PHF19: variants seen among roughly 807,000 people sequenced by gnomAD.
The protein encoded by PHF19 is PHD finger protein 19, also known as polycomb like 3.
PHF19 carries 21 observed loss-of-function variants against 79.8 expected under a neutral mutation model. The observed-to-expected ratio is 0.26, with a 90% CI of 0.19 to 0.38. The LOEUF is 0.38. Among genes scored for constraint, PHF19 ranks in the 10% least tolerant of loss-of-function variants. PHF19 has a pLI of 1.00. For synonymous variants in PHF19, 273 were observed against 296.3 expected (o/e 0.92, Z 0.81); for missense variants, 445 against 744.2 (o/e 0.60, Z 4.68).
rs1435963216 is a variant in PHF19 at position 120,866,551 on chromosome 9, G to T, written c.710+319C>A. On this transcript the variant is annotated intron_variant, in intron 7 of 14. Coordinates refer to ENST00000373896, the MANE Select transcript of PHF19 (RefSeq NM_015651.3). The surrounding 1 kb of genome is among the most constrained non-coding windows in gnomAD (Gnocchi z 5.2). Reference sequence around the variant, plus strand: ...GACTCCCACAGCAACCCTGGGCAGGGCTGGCGCAAGGACTGTGTCATCCCT... The same window carrying T: ...GACTCCCACAGCAACCCTGGGCAGGTCTGGCGCAAGGACTGTGTCATCCCT... Among the ~76,000 whole-genome samples, 1 of 152,222 alleles carries T rather than the reference G, an allele frequency of 6.6e-6. No homozygotes were observed. The highest frequency in any genetic ancestry group is 1.5e-5 in the Non-Finnish European group (1 of 68,048).
chr9:120,874,024 C>T lies in PHF19; in HGVS notation c.223G>A (p.Glu75Lys). 1.2e-6 allele frequency: 2 copies of T among 1,608,644 alleles called. No individual in the cohort carries two copies. Among genetic ancestry groups the T allele is most frequent in the African/African-American group, 1.3e-5 (1 of 74,900 alleles). Residue 75 changes from glutamate (E) to lysine (K), a missense_variant, in exon 3 of 15, where the codon GAA (glutamate) becomes AAA (lysine). Coordinates refer to ENST00000373896, the MANE Select transcript of PHF19 (RefSeq NM_015651.3). The surrounding 1 kb of genome is among the most constrained non-coding windows in gnomAD (Gnocchi z 4.5). ...AGGACCCAGTATTTGGAATTATCTT[C>T]GAAAGTCACGAGGCAGCTTTGCTTA... ...SSKQSCLVTF[E>K]DNSKYWVLWK...
intron 6 of PHF19, among the ~76,000 whole-genome samples, chr9:120,867,840 G>T (rs2045749096): frequency 6.6e-6 from 1 of 152,146 alleles, no homozygotes; most frequent in Non-Finnish European, 1.5e-5. Flanking sequence ...CTTCCTGAGG[G>T]CAGAGACCCT....
chr9:120,898,437 A>G (rs974415555), upstream of PHF19, among the ~76,000 whole-genome samples: 3 of 152,220 alleles, frequency 2.0e-5, no homozygotes, highest in Non-Finnish European at 4.4e-5. Flanking sequence ...TTTTTCATCT[A>G]TAAAGTCAGG....
At chr9:120,902,113 G>A in the PHF19 span, among the ~76,000 whole-genome samples, 9 of 152,234 alleles carry the variant, frequency 5.9e-5, no homozygotes, top group African/African-American at 1.2e-4. Context: ...ACGTGCCCCC[G>A]AAAAGCCCAT....
chr9:120,902,512 G>C, the PHF19 span: 3 of 97,590 alleles, frequency 3.1e-5, 1 homozygote, highest in African/African-American at 2.2e-4. Context: ...GGCGGGGGGT[G>C]GGGGGGGGGG....
At chr9:120,892,435 C>T (rs766944490) in intron 1 of PHF19, among the ~76,000 whole-genome samples, 4 of 152,150 alleles carry the variant, frequency 2.6e-5, no homozygotes, top group African/African-American at 7.2e-5. Flanking sequence ...TTGTTCCTCA[C>T]GTTTAACAGT....
chr9:120,887,208 T>A (rs891589148), intron 1 of PHF19, among the ~76,000 whole-genome samples: 1 of 151,888 alleles, frequency 6.6e-6, no homozygotes, highest in Non-Finnish European at 1.5e-5. Flanking sequence ...TAATCCCAGC[T>A]CTTTGGGAGG....
intron 1 of PHF19, among the ~76,000 whole-genome samples, chr9:120,890,537 T>A (rs902140509): frequency 2.6e-5 from 4 of 152,170 alleles, no homozygotes; most frequent in Non-Finnish European, 5.9e-5. Context: ...GACTCGCTCC[T>A]AATTCCTTCC....
upstream of PHF19, among the ~76,000 whole-genome samples, chr9:120,895,625 C>T (rs1439841349): frequency 6.6e-6 from 1 of 151,982 alleles, no homozygotes; most frequent in Non-Finnish European, 1.5e-5. Flanking sequence ...AAAGAGAAGC[C>T]TGTGACTTTC....
upstream of PHF19, among the ~76,000 whole-genome samples, chr9:120,895,117 C>A (rs984580243): frequency 1.3e-5 from 2 of 152,310 alleles, no homozygotes; most frequent in South Asian, 4.1e-4. Context: ...CAAAGTCACA[C>A]AGGTAGCAAG....
chr9:120,902,565 A>T, the PHF19 span: 1 of 151,572 alleles, frequency 6.6e-6, no homozygotes, highest in Non-Finnish European at 1.5e-5. Flanking sequence ...ACTCCAGTTC[A>T]TCTGACCCTT....
At chr9:120,859,409 C>T (rs1011144965) in intron 14 of PHF19, among the ~76,000 whole-genome samples, 5 of 151,936 alleles carry the variant, frequency 3.3e-5, no homozygotes, top group Admixed American at 6.5e-5. Flanking sequence ...CATGAGCCAC[C>T]GTGCCTGGCC....
At position 120,855,686 on chromosome 9, in the gene PHF19, G is replaced by C. The variant is rs2045349065; in HGVS notation, c.*2258C>G. 1 of 152,640 alleles carries C rather than the reference G, an allele frequency of 6.6e-6. No homozygotes were observed. The highest frequency in any genetic ancestry group is 6.5e-5 in the Admixed American group (1 of 15,286). The allele number at this position is 152,640 out of a possible 1,614,324, so 9.5% of individuals were successfully genotyped here. On this transcript the variant is annotated 3_prime_UTR_variant, in exon 15 of 15. Coordinates refer to ENST00000373896, the MANE Select transcript of PHF19 (RefSeq NM_015651.3). ...AAGGGAGGTTTTAAATCATAAATCA[G>C]ACACATTAATTATAACTTTAACAAA...
chr9:120,897,058 A>G (rs893484290), upstream of PHF19, among the ~76,000 whole-genome samples: 4 of 152,258 alleles, frequency 2.6e-5, no homozygotes, highest in African/African-American at 9.6e-5. Flanking sequence ...CCTAGCTTGT[A>G]GAGACCTCCT....
the PHF19 span, among the ~76,000 whole-genome samples, chr9:120,901,351 C>A: frequency 1.3e-5 from 2 of 152,124 alleles, no homozygotes; most frequent in Non-Finnish European, 2.9e-5. Context: ...TGCCACCATG[C>A]CCAGCTATTT....
chr9:120,858,895 A>G (rs1012887436), intron 14 of PHF19, among the ~76,000 whole-genome samples: 2 of 151,272 alleles, frequency 1.3e-5, no homozygotes, highest in African/African-American at 4.9e-5. Flanking sequence ...CACACAGGAC[A>G]AGGCACAGAT....
intron 1 of PHF19, among the ~76,000 whole-genome samples, chr9:120,890,392 G>T (rs1306645346): frequency 6.6e-6 from 1 of 151,544 alleles, no homozygotes; most frequent in Middle Eastern, 3.4e-3. Flanking sequence ...CTGGCTTTGG[G>T]CAGCCCATAA....
At chr9:120,879,060 C>A (rs571502344), upstream of PHF19, among the ~76,000 whole-genome samples, 446 of 151,452 alleles carry the variant, frequency 2.9e-3, 1 homozygote, top group Admixed American at 6.0e-3. Flanking sequence ...TCACTTCTTT[C>A]TTTCTTTTTT....
At position 120,862,601 on chromosome 9, in the gene PHF19, T is replaced by C; in HGVS notation, c.1117A>G (p.Lys373Glu). Reference sequence around the variant, plus strand: ...CCGAGCACTGACCCAGGCTTGCTCTTTCCTCTCTTACGCAGCTCAGAGGAG... The same window carrying C: ...CCGAGCACTGACCCAGGCTTGCTCTCTCCTCTCTTACGCAGCTCAGAGGAG... ...SASSELRKRG[K>E]SKPGLLPHEF... is the part of the protein sequence containing the mutation. Residue 373 changes from lysine to glutamate, a missense_variant, in exon 11 of 15, where the codon AAG becomes GAG. Lys to Glu is a moderately conservative substitution (Grantham distance 56). Around this residue, in one of 5 missense-constraint regions of PHF19, gnomAD observed 83 missense variants for 85.5 expected, o/e 0.97. Transcript: ENST00000373896. This position sits in a 1 kb window ranked among gnomAD's most constrained non-coding sequence, Gnocchi z 4.6. 6.2e-7 allele frequency: 1 copy of C among 1,613,728 alleles called. No homozygotes were observed. Among genetic ancestry groups the C allele is most frequent in the Non-Finnish European group, 8.5e-7 (1 of 1,179,954 alleles).
Sources: allele counts gnomAD v4.1 joint callset (sites outside exome capture counted in the v4.1 genomes callset), GRCh38; gene constraint gnomAD v4.1.1; regional missense constraint gnomAD v4.1.1; non-coding constraint Gnocchi (gnomAD v3.1); transcripts MANE v1.5; gene names NCBI Gene and HGNC (gene_info 2026-07-23, HGNC 2026-07-21).